ABCA4: variants seen among roughly 807,000 people sequenced by gnomAD.
ABCA4 encodes retinal-specific phospholipid-transporting ATPase ABCA4.
In ABCA4, 196 loss-of-function variants were observed where a neutral mutation model predicts 263.7. The observed-to-expected ratio is 0.74, with a 90% CI of 0.66 to 0.84. The LOEUF is 0.84. ABCA4 is among the 40% of genes least tolerant of loss of function. The pLI is 0.00. For missense variants in ABCA4, 2,792 were observed against 2,855.1 expected, an observed-to-expected ratio of 0.98 and a Z score of 0.50; for synonymous variants, 1,133 against 1,094.2, an observed-to-expected ratio of 1.04 and a Z score of -0.70.
intron 38 of ABCA4, among the ~76,000 whole-genome samples, chr1:94,013,927 C>T (rs61782239): frequency 0.12 from 17,587 of 152,234 alleles, 1,228 homozygotes; most frequent in Non-Finnish European, 0.15. Context: ...GAGAAGAGAA[C>T]TGCATGAGTG....
intron 24 of ABCA4, among the ~76,000 whole-genome samples, chr1:94,039,453 A>C (rs372494832): frequency 1.9e-4 from 29 of 152,248 alleles, no homozygotes; most frequent in African/African-American, 6.8e-4. Context: ...TACGCTTCTC[A>C]CACATTCTCT....
intron 9 of ABCA4, among the ~76,000 whole-genome samples, chr1:94,078,964 G>A (rs373472070): frequency 1.3e-5 from 2 of 152,066 alleles, no homozygotes; most frequent in East Asian, 1.9e-4. Flanking sequence ...AACCTCCCTC[G>A]TTAAAGCTAG....
In ABCA4 at chr1:94,062,629, G is replaced by C. The variant is rs1200070789; in HGVS notation, c.1885C>G (p.Pro629Ala). 1 of 1,614,018 alleles carries C rather than the reference G, an allele frequency of 6.2e-7. No individual in the cohort carries two copies. Among genetic ancestry groups the C allele is most frequent in the Non-Finnish European group, 8.5e-7 (1 of 1,180,038 alleles). Residue 629 changes from proline to alanine, a missense_variant, in exon 13 of 50, where the codon CCA becomes GCA. Transcript: ENST00000370225. ...ITRSQVQAEA[P>A]VGIYLQQMPY... ...ATCTGCTGGAGGTAGATTCCAACTG[G>C]AGCCTCCGCCTGCACCTGGCTCCTT...
In ABCA4 at chr1:94,062,596, G is replaced by T. The variant is rs766570903; in HGVS notation, c.1918C>A (p.Pro640Thr). Reference protein sequence around the residue: ...VGIYLQQMPYPCFVDDSFMII... With the variant: ...VGIYLQQMPYTCFVDDSFMII... ...ACTCACGAATCGTCCACGAAGCAGGGGTAGGGCATCTGCTGGAGGTAGATT... is the reference window on the plus strand; with the variant it reads ...ACTCACGAATCGTCCACGAAGCAGGTGTAGGGCATCTGCTGGAGGTAGATT... Residue 640 changes from proline (P) to threonine (T), a missense_variant, in exon 13 of 50, where the codon CCC (proline) becomes ACC (threonine). Physicochemically the swap from Pro to Thr is conservative, Grantham distance 38. Coordinates refer to ENST00000370225, the MANE Select transcript of ABCA4 (RefSeq NM_000350.3). 6.2e-7 allele frequency: 1 copy of T among 1,614,170 alleles called. No individual in the cohort carries two copies. The highest frequency in any genetic ancestry group is 1.7e-5 in the Admixed American group (1 of 60,018).
chr1:94,116,153 C>G (rs1408759420), intron 1 of ABCA4, among the ~76,000 whole-genome samples: 1 of 152,232 alleles, frequency 6.6e-6, no homozygotes, highest in Non-Finnish European at 1.5e-5. Context: ...GGCCTCCTCT[C>G]AGGAGTAGGG....
At chr1:94,079,857 C>T (rs1333094703) in intron 8 of ABCA4, among the ~76,000 whole-genome samples, 4 of 152,154 alleles carry the variant, frequency 2.6e-5, no homozygotes, top group Non-Finnish European at 5.9e-5. Context: ...AGCTGCTTAG[C>T]TGCTTTGTTG....
intron 6 of ABCA4, among the ~76,000 whole-genome samples, chr1:94,084,919 A>G (rs2101114014): frequency 6.6e-6 from 1 of 152,330 alleles, no homozygotes; most frequent in South Asian, 2.1e-4. Context: ...TGTGTCGATA[A>G]GCAAGTTAGC....
At position 94,103,077 on chromosome 1, in the gene ABCA4, T is replaced by A. The variant is rs1348309841; in HGVS notation, c.508A>T (p.Asn170Tyr). The change falls in exon 5 of 50, where the codon AAC becomes TAC. Residue 170 changes from asparagine to tyrosine, a missense_variant. Physicochemically the swap from Asn to Tyr is moderately radical, Grantham distance 143. Coordinates refer to ENST00000370225, the MANE Select transcript of ABCA4 (RefSeq NM_000350.3). ...EETLTLFLIK[N>Y]IGLSDSVVYL... Reference sequence around the variant, plus strand: ...ACCACTGAGTCAGACAGGCCGATGTTTTTAATGAGAAATAGTGTCAGTGTT... The same window carrying A: ...ACCACTGAGTCAGACAGGCCGATGTATTTAATGAGAAATAGTGTCAGTGTT... 6.2e-7 allele frequency: 1 copy of A among 1,614,074 alleles called. No homozygotes were observed. Among genetic ancestry groups the A allele is most frequent in the Non-Finnish European group, 8.5e-7 (1 of 1,180,038 alleles).
chr1:94,020,203 A>G (rs1366682632), intron 35 of ABCA4, among the ~76,000 whole-genome samples: 1 of 152,210 alleles, frequency 6.6e-6, no homozygotes, highest in Non-Finnish European at 1.5e-5. Context: ...GTACATCGTA[A>G]CACAAGGAAA....
rs1468421723 is a variant in ABCA4 at position 94,015,347 on chromosome 1, T to TGG, written c.5312+390_5312+391dup. Among the ~76,000 whole-genome samples, 6 of 152,304 alleles carry TGG rather than the reference T, an allele frequency of 3.9e-5. No homozygotes were observed. The East Asian group carries it at 1.2e-3, about 29-fold the overall frequency. On this transcript the variant is annotated intron_variant, in intron 37 of 49. Transcript: ENST00000370225. ...GCTTTTTGGCCGGAGTCTTCTACTGTGGGCGGTAACTCTTGGCCAGTTCAC... is the reference window on the plus strand; with the variant it reads ...GCTTTTTGGCCGGAGTCTTCTACTGTGGGGGCGGTAACTCTTGGCCAGTTCAC...
intron 30 of ABCA4, among the ~76,000 whole-genome samples, chr1:94,026,281 C>T (rs1408185444): frequency 6.6e-6 from 1 of 152,318 alleles, no homozygotes; most frequent in Admixed American, 6.5e-5. Context: ...GTTTCTCTCT[C>T]TCCTGCCAGG....
chr1:94,042,960 C>T (rs1199464565), intron 21 of ABCA4, 62 bp from the exon 22 acceptor site: 4 of 1,608,744 alleles, frequency 2.5e-6, no homozygotes, highest in African/African-American at 2.7e-5. Context: ...GAGAAAGGCC[C>T]AGGGCAAGTG....
chr1:94,002,557 C>T (rs1049999885), intron 44 of ABCA4, among the ~76,000 whole-genome samples: 1 of 152,196 alleles, frequency 6.6e-6, no homozygotes, highest in Non-Finnish European at 1.5e-5. Flanking sequence ...TGTGAGGGAA[C>T]GATGACAGAG....
At position 94,000,868 on chromosome 1, in the gene ABCA4, T is replaced by C. The variant is rs1298805869; in HGVS notation, c.6447A>G (p.Arg2149=). ...RLAIMVKGAF[R]CMGTIQHLKS... ...TGAGATGCTGAATGGTGCCCATACATCGAAAGGCGCCCTTTACCATGATGG... is the reference window on the plus strand; with the variant it reads ...TGAGATGCTGAATGGTGCCCATACACCGAAAGGCGCCCTTTACCATGATGG... The change falls in exon 47 of 50, where the codon CGA becomes CGG. Residue 2149 remains arginine, a synonymous_variant. Transcript: ENST00000370225. The C allele has an allele frequency of 6.2e-7, 1 of 1,614,192 alleles. No individual in the cohort carries two copies. Among genetic ancestry groups the C allele is most frequent in the South Asian group, 1.1e-5 (1 of 91,090 alleles).
intron 26 of ABCA4, among the ~76,000 whole-genome samples, chr1:94,033,426 AAAAAAAAAAAAG>A (rs963183776): frequency 1.3e-5 from 2 of 150,906 alleles, no homozygotes; most frequent in African/African-American, 2.4e-5. Flanking sequence ...TCTATCTCAA[AAAAAAAAAAAAG>A]AAAAAAAAAA....
chr1:94,052,928 T>A (rs952686983), intron 16 of ABCA4, among the ~76,000 whole-genome samples: 2 of 152,222 alleles, frequency 1.3e-5, no homozygotes, highest in African/African-American at 4.8e-5. Context: ...CCAAGATAGC[T>A]GCAGTTTCTG....
In ABCA4 at chr1:94,000,843, T is replaced by C; in HGVS notation, c.6472A>G (p.Lys2158Glu). The C allele has an allele frequency of 1.9e-6, 3 of 1,600,860 alleles. No individual in the cohort carries two copies. The highest frequency in any genetic ancestry group is 1.3e-5 in the African/African-American group (1 of 74,766). ...FRCMGTIQHLKSKFGDGYIVT... is the reference protein window; with the variant it reads ...FRCMGTIQHLESKFGDGYIVT... Reference sequence around the variant, plus strand: ...GCCCCACCATCTGCTTACTTGGACTTGAGATGCTGAATGGTGCCCATACAT... The same window carrying C: ...GCCCCACCATCTGCTTACTTGGACTCGAGATGCTGAATGGTGCCCATACAT... The change falls in exon 47 of 50, where the codon AAG becomes GAG. Residue 2158 changes from lysine (K) to glutamate (E), a missense_variant. By Grantham distance (56) the Lys-to-Glu change is moderately conservative (BLOSUM62 1). Coordinates refer to ENST00000370225, the MANE Select transcript of ABCA4 (RefSeq NM_000350.3).
intron 44 of ABCA4, among the ~76,000 whole-genome samples, chr1:94,002,315 G>T (rs1289419906): frequency 6.6e-6 from 1 of 152,252 alleles, no homozygotes; most frequent in Non-Finnish European, 1.5e-5. Flanking sequence ...AGCAGTGGAG[G>T]AGGAAGGCTC....
rs202088666 is a variant in ABCA4, at chr1:94,007,717, A to G, written c.5922T>C (p.Asn1974=). Residue 1974 remains asparagine, a synonymous_variant, in exon 43 of 50, where the codon AAT becomes AAC. Transcript: ENST00000370225. ...TGAATGTGGTTGTTTTGCCGGCACC[A>G]TTCACTCCCAGGAGGCCAAAGCACT... The part of the protein sequence containing the change: ...PGECFGLLGV[N]GAGKTTTFKM... The G allele has an allele frequency of 3.1e-6, 5 of 1,614,018 alleles. No individual in the cohort carries two copies. Among genetic ancestry groups the G allele is most frequent in the Admixed American group, 1.7e-5 (1 of 60,018 alleles).
Sources: gnomAD v4.1 joint callset for allele counts (sites outside exome capture counted in the v4.1 genomes callset) on GRCh38, gnomAD v4.1.1 for gene constraint, MANE v1.5 for transcripts, NCBI Gene and HGNC (gene_info 2026-07-23, HGNC 2026-07-21) for gene names.